CC2D2A: variants seen among roughly 807,000 people sequenced by gnomAD.
The protein encoded by CC2D2A is coiled-coil and C2 domain-containing protein 2A.
Under a neutral mutation model 212.9 loss-of-function variants are expected in CC2D2A, and 155 were observed. That is an observed-to-expected ratio of 0.73 (90% CI 0.64 to 0.83). The LOEUF (loss-of-function observed/expected upper bound fraction) is 0.83, where lower values mean the gene tolerates loss of function less well. Among genes scored for constraint, CC2D2A ranks in the 40% least tolerant of loss-of-function variants. The probability of loss-of-function intolerance (pLI) is 0.00; values close to 1 mark genes in which losing one functional copy is unlikely to be tolerated. For missense variants in CC2D2A, 1,856 were observed against 1,956.2 expected, an observed-to-expected ratio of 0.95 and a Z score of 0.97; for synonymous variants, 667 against 686.5, an observed-to-expected ratio of 0.97 and a Z score of 0.44.
intron 4 of CC2D2A, among the ~76,000 whole-genome samples, chr4:15,492,088 ATCTGTT>A (rs1715333860): frequency 6.6e-6 from 1 of 152,156 alleles, no homozygotes; most frequent in African/African-American, 2.4e-5. Context: ...TGACCTTCTG[ATCTGTT>A]TCTATCAAAC....
intron 33 of CC2D2A, 94 bp downstream of exon 33, chr4:15,589,773 T>G (rs985707296): frequency 3.6e-6 from 2 of 550,246 alleles, no homozygotes; most frequent in African/African-American, 4.2e-5. Flanking sequence ...ACCAAAATAT[T>G]TATATAAATG....
intron 26 of CC2D2A, among the ~76,000 whole-genome samples, chr4:15,568,067 T>G (rs1299326443): frequency 6.6e-6 from 1 of 152,070 alleles, no homozygotes; most frequent in Non-Finnish European, 1.5e-5. Context: ...AAGTTTTTCA[T>G]TCCCTTGACC....
chr4:15,568,938 C>T (rs1315804523), intron 26 of CC2D2A, among the ~76,000 whole-genome samples: 1 of 152,120 alleles, frequency 6.6e-6, no homozygotes, highest in Non-Finnish European at 1.5e-5. Flanking sequence ...TTAGGAAGTC[C>T]ATATACTAGC....
chr4:15,516,974 G>C (rs1185441112), intron 11 of CC2D2A, among the ~76,000 whole-genome samples: 1 of 119,978 alleles, frequency 8.3e-6, no homozygotes, highest in East Asian at 2.5e-4. Flanking sequence ...TTTTGAGACG[G>C]AGTCTCGCTG....
intron 4 of CC2D2A, among the ~76,000 whole-genome samples, chr4:15,492,487 A>C (rs1475959145): frequency 1.3e-5 from 2 of 150,172 alleles, no homozygotes; most frequent in East Asian, 3.9e-4. Context: ...GTTAATGCCA[A>C]ATTCTTTTTT....
At chr4:15,534,914 C>A (rs1407973457) in intron 14 of CC2D2A, among the ~76,000 whole-genome samples, 1 of 150,960 alleles carries the variant, frequency 6.6e-6, no homozygotes, top group Non-Finnish European at 1.5e-5. Flanking sequence ...CAAATTTAGG[C>A]AGTTATCTGA....
At chr4:15,524,889 C>T (rs1195238069) in intron 11 of CC2D2A, among the ~76,000 whole-genome samples, 1 of 152,142 alleles carries the variant, frequency 6.6e-6, no homozygotes, top group Non-Finnish European at 1.5e-5. Context: ...TTAAAATATA[C>T]TCTAAATATT....
chr4:15,511,562 C>T (rs1282864294), intron 8 of CC2D2A, 139 bp downstream of exon 8: 12 of 736,394 alleles, frequency 1.6e-5, no homozygotes, highest in Non-Finnish European at 2.4e-5. Context: ...GTTGAAATCC[C>T]AAGTACTGAA....
At chr4:15,506,416 A>C (rs1473762639) in intron 6 of CC2D2A, among the ~76,000 whole-genome samples, 2 of 152,210 alleles carry the variant, frequency 1.3e-5, no homozygotes, top group Non-Finnish European at 2.9e-5. Context: ...CAAAAATAAT[A>C]ATTTCCACAT....
In CC2D2A at chr4:15,551,146, A is replaced by G. The variant is rs184088904; in HGVS notation, c.2338+166A>G. 4.0e-3 allele frequency among the ~76,000 whole-genome samples: 610 copies of G among 152,374 alleles called. 2 individuals carry two copies. The highest frequency in any genetic ancestry group is 0.01 in the Middle Eastern group (3 of 294). ...CTTTTTGCCAAGTTGCTTTTTATAT[A>G]CTGTTGGTGACAATGTAAGTGCATA... On this transcript the variant is annotated intron_variant, in intron 18 of 36. Transcript: ENST00000424120.
At position 15,579,975 on chromosome 4, in the gene CC2D2A, C is replaced by G; in HGVS notation, c.3779C>G (p.Ser1260Cys). 1 of 1,612,544 alleles carries G rather than the reference C, an allele frequency of 6.2e-7. No homozygotes were observed. The part of the protein sequence containing the change: ...PGESIREKFE[S>C]QEDEKLLQAT... ...AAGTCTTTCTTTTTGAAGTTTGAGT[C>G]TCAGGAAGATGAGAAATTACTTCAA... Residue 1260 changes from serine to cysteine, a missense_variant, in exon 30 of 37, where the codon TCT (serine) becomes TGT (cysteine). By Grantham distance (112) the Ser-to-Cys change is moderately radical. Around this residue, in one of 5 missense-constraint regions of CC2D2A, gnomAD observed 1,512 missense variants for 1,579.3 expected, o/e 0.96. Coordinates refer to ENST00000424120, the MANE Select transcript of CC2D2A (RefSeq NM_001378615.1).
Position 15,569,208 on chromosome 4 carries a change from G to C in CC2D2A, c.3399-85G>C, listed in dbSNP as rs559931805. On this transcript the variant is annotated intron_variant, in intron 26 of 36. Coordinates refer to ENST00000424120, the MANE Select transcript of CC2D2A (RefSeq NM_001378615.1). The stretch of plus-strand genomic sequence containing the variant: ...ATTCTAACATCTATGCTCATATTTG[G>C]GTATTTTTCAAATGCTGACATTTGA... The C allele has an allele frequency of 2.8e-5, 20 of 718,836 alleles. 1 individual carries two copies. The South Asian group carries it at 2.9e-4, about 10-fold the overall frequency. The allele number at this position is 718,836 out of a possible 1,614,324, so 44.5% of individuals were successfully genotyped here.
intron 24 of CC2D2A, among the ~76,000 whole-genome samples, chr4:15,566,827 T>C (rs1009250663): frequency 5.3e-5 from 8 of 151,846 alleles, no homozygotes; most frequent in South Asian, 2.1e-4. Context: ...TTTTAAAAAT[T>C]AGCTGGGCAT....
At chr4:15,591,088 C>G (rs1721083681) in intron 33 of CC2D2A, among the ~76,000 whole-genome samples, 1 of 152,084 alleles carries the variant, frequency 6.6e-6, no homozygotes, top group South Asian at 2.1e-4. Flanking sequence ...ACATGCATCC[C>G]CAACATGCAT....
At chr4:15,586,555 T>G (rs1005203349) in intron 31 of CC2D2A, among the ~76,000 whole-genome samples, 1 of 152,216 alleles carries the variant, frequency 6.6e-6, no homozygotes, top group Non-Finnish European at 1.5e-5. Context: ...CAAAATTACA[T>G]TCTATATTAT....
intron 4 of CC2D2A, among the ~76,000 whole-genome samples, chr4:15,498,065 A>G (rs1464099161): frequency 6.6e-6 from 1 of 152,146 alleles, no homozygotes; most frequent in Non-Finnish European, 1.5e-5. Context: ...AGTGTCCACT[A>G]TTTTATTAAG....
chr4:15,587,463 T>C (rs1353944974), intron 31 of CC2D2A, among the ~76,000 whole-genome samples: 1 of 152,240 alleles, frequency 6.6e-6, no homozygotes, highest in Non-Finnish European at 1.5e-5. Context: ...CAAATTGTTC[T>C]AGAATTAAGT....
intron 28 of CC2D2A, among the ~76,000 whole-genome samples, chr4:15,572,860 A>C (rs964470184): frequency 6.6e-6 from 1 of 152,104 alleles, no homozygotes; most frequent in Non-Finnish European, 1.5e-5. Context: ...AAGGCCCTAG[A>C]TCCCCTAGCA....
At chr4:15,575,365 T>C (rs1467896472) in intron 29 of CC2D2A, among the ~76,000 whole-genome samples, 1 of 152,174 alleles carries the variant, frequency 6.6e-6, no homozygotes, top group Non-Finnish European at 1.5e-5. Context: ...ACTGTACATA[T>C]TCAGCATATA....
Sources: gnomAD v4.1 joint callset for allele counts (sites outside exome capture counted in the v4.1 genomes callset) on GRCh38, gnomAD v4.1.1 for gene constraint, gnomAD v4.1.1 regional missense constraint, MANE v1.5 for transcripts, NCBI Gene and HGNC (gene_info 2026-07-23, HGNC 2026-07-21) for gene names.